The following ASTN1 variants were observed in gnomAD, a reference collection of about 807,000 sequenced individuals.
ASTN1 encodes astrotactin-1.
Under a neutral mutation model 140.7 loss-of-function variants are expected in ASTN1, and 41 were observed. That is an observed-to-expected ratio of 0.29 (90% confidence interval 0.23 to 0.38). The LOEUF (loss-of-function observed/expected upper bound fraction) is 0.38, where lower values mean the gene tolerates loss of function less well. Among genes scored for constraint, ASTN1 ranks in the 10% least tolerant of loss-of-function variants. The pLI, the probability that ASTN1 is intolerant of heterozygous loss-of-function variation, is 1.00. For synonymous variants in ASTN1, 640 were observed against 652.2 expected, an observed-to-expected ratio of 0.98 and a Z score of 0.29; for missense variants, 1,479 against 1,678.8, an observed-to-expected ratio of 0.88 and a Z score of 2.08.
In ASTN1 at chr1:176,862,245, TAG is replaced by T; in HGVS notation, c.*2037_*2038del. The stretch of plus-strand genomic sequence containing the variant: ...AGGGGAATCTCTGAGGCAGGTGCAT[TAG>T]AGAGTTTGAAATAAATCCTTCAGTG... On this transcript the variant is annotated 3_prime_UTR_variant, in exon 23 of 23. Transcript: ENST00000361833. The T allele has an allele frequency of 1.0e-6, 1 of 985,370 alleles. No individual in the cohort carries two copies. The highest frequency in any genetic ancestry group is 1.2e-6 in the Non-Finnish European group (1 of 829,932). 61.0% of individuals were successfully genotyped at this position (985,370 alleles called of 1,614,324 possible). A position where few individuals can be genotyped will look rare whatever the true frequency, so the allele number is the denominator to read the frequency against.
intron 1 of ASTN1, among the ~76,000 whole-genome samples, chr1:177,106,996 T>TGCAGCAGTGGGGTGGACCATCCC (rs1373399806): frequency 3.3e-5 from 5 of 152,182 alleles, no homozygotes; most frequent in Admixed American, 6.5e-5. Context: ...TGGCAGGCCA[T>TGCAGCAGTGGGGTGGACCATCCC]GCAGCAGTGG....
At chr1:176,990,379 T>C (rs557625612) in intron 8 of ASTN1, among the ~76,000 whole-genome samples, 1 of 152,200 alleles carries the variant, frequency 6.6e-6, no homozygotes, top group African/African-American at 2.4e-5. Flanking sequence ...AAAATTCATC[T>C]TCTATTTTGG....
chr1:177,055,545 T>A (rs139818972), intron 2 of ASTN1, among the ~76,000 whole-genome samples: 2 of 152,324 alleles, frequency 1.3e-5, no homozygotes, highest in East Asian at 3.9e-4. Context: ...GAAGGTAAAA[T>A]ACACAGTGAT....
At chr1:176,897,045 G>C (rs563588966) in intron 16 of ASTN1, among the ~76,000 whole-genome samples, 3 of 152,168 alleles carry the variant, frequency 2.0e-5, no homozygotes, top group African/African-American at 7.2e-5. Flanking sequence ...GGGAGGCCAA[G>C]GCGGGTGGAT....
At chr1:177,145,950 T>C (rs1682703196) in intron 1 of ASTN1, among the ~76,000 whole-genome samples, 1 of 152,190 alleles carries the variant, frequency 6.6e-6, no homozygotes, top group Non-Finnish European at 1.5e-5. Flanking sequence ...TTATTGAGAA[T>C]CACAAAGAGC....
chr1:176,889,310 A>T (rs1340124021), intron 17 of ASTN1, among the ~76,000 whole-genome samples: 1 of 152,158 alleles, frequency 6.6e-6, no homozygotes, highest in Admixed American at 6.5e-5. Context: ...CAAGCTAGCC[A>T]AGTCAGGACT....
intron 10 of ASTN1, 63 bp downstream of exon 10, chr1:176,958,282 C>T (rs1478737459): frequency 1.9e-6 from 3 of 1,607,586 alleles, no homozygotes; most frequent in Non-Finnish European, 2.5e-6. Context: ...CTAAAACCTA[C>T]AGGTAGTTTC....
intron 14 of ASTN1, among the ~76,000 whole-genome samples, chr1:176,941,679 C>T (rs553740019): frequency 6.6e-5 from 10 of 152,336 alleles, no homozygotes; most frequent in Admixed American, 2.6e-4. Context: ...CTTCAGGTAA[C>T]ATCCAGGACT....
intron 8 of ASTN1, among the ~76,000 whole-genome samples, chr1:176,997,501 G>A (rs193157826): frequency 6.6e-6 from 1 of 152,048 alleles, no homozygotes. Context: ...CTCAGAGGAG[G>A]TGATGGGTTG....
chr1:176,942,861 TA>T (rs1671796284), intron 14 of ASTN1, among the ~76,000 whole-genome samples: 6 of 104,330 alleles, frequency 5.8e-5, no homozygotes, highest in Admixed American at 1.0e-4. Flanking sequence ...TATATATATA[TA>T]TATAGATTGA....
chr1:177,031,180 A>G lies in ASTN1; in HGVS notation c.866-228T>C, dbSNP rs71628222. Among the ~76,000 whole-genome samples, 1,372 of 152,330 alleles carry G rather than the reference A, an allele frequency of 9.0e-3. 17 individuals are homozygous for G. Among genetic ancestry groups the G allele is most frequent in the Middle Eastern group, 0.02 (6 of 294 alleles). On this transcript the variant is annotated intron_variant, in intron 3 of 22. Transcript: ENST00000361833. ...TCAGGGAACTACAACTGAAAATCCA[A>G]TTCAACTATTATTATATTATGTATT...
chr1:177,093,332 T>C (rs59426705), intron 1 of ASTN1, among the ~76,000 whole-genome samples: 4,563 of 152,264 alleles, frequency 0.03, 108 homozygotes, highest in East Asian at 0.1. Flanking sequence ...AGCCTCAGTG[T>C]CAGGACACTG....
intron 8 of ASTN1, among the ~76,000 whole-genome samples, chr1:177,013,919 G>A (rs1439305533): frequency 6.6e-6 from 1 of 152,122 alleles, no homozygotes; most frequent in Non-Finnish European, 1.5e-5. Context: ...AGTGGCTCAT[G>A]CCAGTAAACC....
rs551182056 is a variant in ASTN1, at chr1:177,105,321, G to A, written c.284-44056C>T. ...GTAAATGATTCCTTAAAAGGCTTTAGTTTCTTTTCACTCCCCATGGAGAAC... is the reference window on the plus strand; with the variant it reads ...GTAAATGATTCCTTAAAAGGCTTTAATTTCTTTTCACTCCCCATGGAGAAC... On this transcript the variant is annotated intron_variant, in intron 1 of 22. Transcript: ENST00000361833. Among the ~76,000 whole-genome samples the A allele has an allele frequency of 3.5e-4, 54 of 152,218 alleles. 1 individual carries two copies. Among genetic ancestry groups the A allele is most frequent in the African/African-American group, 1.2e-3 (50 of 41,520 alleles).
chr1:176,913,005 G>A (rs999517203), intron 16 of ASTN1, among the ~76,000 whole-genome samples: 3 of 152,174 alleles, frequency 2.0e-5, no homozygotes, highest in African/African-American at 4.8e-5. Context: ...TCCCACGGAA[G>A]GTCGTGCCCA....
At chr1:176,932,296 T>A (rs4652207) in intron 16 of ASTN1, among the ~76,000 whole-genome samples, 1 of 152,048 alleles carries the variant, frequency 6.6e-6, no homozygotes, top group Non-Finnish European at 1.5e-5. Flanking sequence ...ACACTTGTCA[T>A]TCCTAGGGTA....
intron 1 of ASTN1, among the ~76,000 whole-genome samples, chr1:177,106,687 A>G (rs1364079851): frequency 6.6e-6 from 1 of 152,172 alleles, no homozygotes; most frequent in Non-Finnish European, 1.5e-5. Context: ...AAGATTATAG[A>G]CTTCTCATTT....
chr1:176,960,307 T>G (rs530118389), intron 9 of ASTN1, among the ~76,000 whole-genome samples: 2 of 152,320 alleles, frequency 1.3e-5, no homozygotes, highest in South Asian at 4.1e-4. Context: ...TACAAGTAGT[T>G]TGAATGGTAC....
intron 2 of ASTN1, among the ~76,000 whole-genome samples, chr1:177,058,482 A>G (rs1677917799): frequency 1.3e-5 from 2 of 152,318 alleles, no homozygotes; most frequent in Non-Finnish European, 1.5e-5. Flanking sequence ...GGTGACAAGT[A>G]GCATATGAAG....
Sources: gnomAD v4.1 joint callset for allele counts (sites outside exome capture counted in the v4.1 genomes callset) on GRCh38, gnomAD v4.1.1 for gene constraint, MANE v1.5 for transcripts, NCBI Gene and HGNC (gene_info 2026-07-23, HGNC 2026-07-21) for gene names.